Variants in IQCB1 observed in about 807,000 individuals in gnomAD.
IQCB1 encodes IQ motif containing B1.
IQCB1 carries 56 observed loss-of-function variants against 84.4 expected under a neutral mutation model. That is an observed-to-expected ratio of 0.66 (90% CI 0.54 to 0.83). IQCB1 has a LOEUF of 0.83. Ranked by LOEUF, IQCB1 falls within the 40% of genes least tolerant of loss-of-function variation. IQCB1 has a pLI of 0.00. For missense variants in IQCB1, 629 were observed against 682.1 expected, an observed-to-expected ratio of 0.92 and a Z score of 0.87; for synonymous variants, 210 against 234.8, an observed-to-expected ratio of 0.89 and a Z score of 0.96.
At chr3:121,790,244 AT>A in intron 10 of IQCB1, 29 bp from the exon 11 acceptor site, 1 of 1,604,964 alleles carries the variant, frequency 6.2e-7, no homozygotes, top group Non-Finnish European at 8.5e-7. Flanking sequence ...GTTATACATA[AT>A]TTTCATAAAT....
intron 13 of IQCB1, among the ~76,000 whole-genome samples, chr3:121,774,876 CATAGTTAAA>C (rs1948158956): frequency 6.6e-6 from 1 of 152,076 alleles, no homozygotes; most frequent in African/African-American, 2.4e-5. Flanking sequence ...TACATTTAAA[CATAGTTAAA>C]ATGGTAATTT....
chr3:121,781,631 G>GCA, intron 13 of IQCB1, 112 bp downstream of exon 13: 1 of 760,680 alleles, frequency 1.3e-6, no homozygotes, highest in Non-Finnish European at 2.0e-6. Context: ...AGCAATAAAT[G>GCA]TACACACACA....
chr3:121,770,518 A>G lies in IQCB1; in HGVS notation c.1624T>C (p.Ser542Pro). The stretch of plus-strand genomic sequence containing the variant: ...TTGGCCTTGGCTGCCACAGGCCTGG[A>G]TCTACTTAGGAAGAGCTCAGGTTCT... ...GKEPELFLSRSRPVAAKAKQA... is the reference protein window; with the variant it reads ...GKEPELFLSRPRPVAAKAKQA... The change falls in exon 15 of 15, where the codon TCC becomes CCC. Residue 542 changes from serine to proline, a missense_variant. Coordinates refer to ENST00000310864, the MANE Select transcript of IQCB1 (RefSeq NM_001023570.4). 1.2e-6 allele frequency: 2 copies of G among 1,614,160 alleles called. No individual in the cohort carries two copies. The highest frequency in any genetic ancestry group is 1.7e-6 in the Non-Finnish European group (2 of 1,180,026).
At chr3:121,808,446 A>T (rs375965704) in intron 6 of IQCB1, among the ~76,000 whole-genome samples, 2 of 151,966 alleles carry the variant, frequency 1.3e-5, no homozygotes, top group East Asian at 3.8e-4. Flanking sequence ...ATATCTCTCA[A>T]TGTAAACAGA....
At chr3:121,821,366 A>G (rs944111376) in intron 5 of IQCB1, among the ~76,000 whole-genome samples, 1 of 152,154 alleles carries the variant, frequency 6.6e-6, no homozygotes, top group Non-Finnish European at 1.5e-5. Context: ...GGTCTTGTCC[A>G]TTTCCGCTGC....
chr3:121,777,904 T>A (rs894587139), intron 13 of IQCB1, among the ~76,000 whole-genome samples: 6 of 152,012 alleles, frequency 3.9e-5, no homozygotes, highest in Non-Finnish European at 8.8e-5. Context: ...TCATGTTTCT[T>A]GCCCACTTTT....
chr3:121,809,170 T>C (rs574621091), intron 5 of IQCB1, among the ~76,000 whole-genome samples, 161 bp from the exon 6 acceptor site: 21 of 151,964 alleles, frequency 1.4e-4, no homozygotes, highest in African/African-American at 4.6e-4. Context: ...TCTTAATTTG[T>C]AAAACTTGTG....
Position 121,790,139 on chromosome 3 carries a change from G to C in IQCB1, c.1063C>G (p.Gln355Glu). The change falls in exon 11 of 15, where the codon CAA becomes GAA. Residue 355 changes from glutamine to glutamate, a missense_variant. Transcript: ENST00000310864. The part of the protein sequence containing the change: ...EEDLKLQLQL[Q>E]RQRAMRLSRE... The stretch of plus-strand genomic sequence containing the variant: ...GAAAGTCTCATGGCTCTCTGTCTTT[G>C]AAGTTGCAATTGTAATTTGAGGTCC... 6.2e-7 allele frequency: 1 copy of C among 1,613,400 alleles called. No homozygotes were observed. The highest frequency in any genetic ancestry group is 8.5e-7 in the Non-Finnish European group (1 of 1,179,374).
intron 13 of IQCB1, among the ~76,000 whole-genome samples, chr3:121,779,694 A>C (rs1948391789): frequency 6.6e-6 from 1 of 152,050 alleles, no homozygotes; most frequent in African/African-American, 2.4e-5. Context: ...AGACATTGTG[A>C]CTTTTACCTT....
chr3:121,826,562 T>C (rs1489453326), intron 4 of IQCB1, among the ~76,000 whole-genome samples: 2 of 152,216 alleles, frequency 1.3e-5, no homozygotes, highest in African/African-American at 4.8e-5. Flanking sequence ...AGACACCTAA[T>C]AGCTGAAAAA....
chr3:121,809,721 A>G (rs560796097), intron 5 of IQCB1, among the ~76,000 whole-genome samples: 26 of 152,142 alleles, frequency 1.7e-4, no homozygotes, highest in African/African-American at 6.0e-4. Context: ...TATAGATTCC[A>G]TTTACAATTT....
chr3:121,817,930 G>C (rs1198537776), intron 5 of IQCB1, among the ~76,000 whole-genome samples: 2 of 152,144 alleles, frequency 1.3e-5, no homozygotes, highest in Admixed American at 1.3e-4. Context: ...GAGCACACAA[G>C]AGAGTGGCTG....
intron 8 of IQCB1, among the ~76,000 whole-genome samples, chr3:121,798,067 A>C (rs1321211705): frequency 1.3e-5 from 2 of 151,982 alleles, no homozygotes; most frequent in African/African-American, 4.8e-5. Flanking sequence ...AGAAGGATTC[A>C]GGTAAAATTC....
intron 5 of IQCB1, among the ~76,000 whole-genome samples, chr3:121,824,783 T>C (rs923281136): frequency 2.6e-5 from 4 of 151,536 alleles, no homozygotes; most frequent in Non-Finnish European, 5.9e-5. Context: ...GTTGGAAATT[T>C]TAATACCCTT....
intron 4 of IQCB1, among the ~76,000 whole-genome samples, chr3:121,826,918 C>T (rs1256145015): frequency 1.3e-5 from 2 of 152,120 alleles, no homozygotes; most frequent in Non-Finnish European, 2.9e-5. Context: ...TGAACAAAAA[C>T]TGCTGTTTGA....
intron 13 of IQCB1, 64 bp downstream of exon 13, chr3:121,781,678 GT>G: frequency 7.4e-7 from 1 of 1,356,196 alleles, no homozygotes; most frequent in Non-Finnish European, 1.1e-6. Flanking sequence ...ATGTGTGTGT[GT>G]GTACAGTTAT....
At chr3:121,779,415 C>G (rs1336720666) in intron 13 of IQCB1, among the ~76,000 whole-genome samples, 1 of 152,090 alleles carries the variant, frequency 6.6e-6, no homozygotes, top group Non-Finnish European at 1.5e-5. Flanking sequence ...AAAGTCTAAT[C>G]TGCTATTATT....
intron 7 of IQCB1, among the ~76,000 whole-genome samples, chr3:121,801,721 C>T (rs973411576): frequency 7.3e-5 from 11 of 151,172 alleles, no homozygotes; most frequent in Non-Finnish European, 1.5e-4. Context: ...TAGTTCCTCC[C>T]TTGTTGCCTT....
At chr3:121,807,584 CT>C (rs1281963525) in intron 6 of IQCB1, 141 bp from the exon 7 acceptor site, 2 of 563,586 alleles carry the variant, frequency 3.5e-6, no homozygotes, top group African/African-American at 3.8e-5. Flanking sequence ...ATAAAGAAGA[CT>C]TTAAGATGTA....
Sources: gnomAD v4.1 joint callset for allele counts (sites outside exome capture counted in the v4.1 genomes callset) on GRCh38, gnomAD v4.1.1 for gene constraint, MANE v1.5 for transcripts, NCBI Gene and HGNC (gene_info 2026-07-23, HGNC 2026-07-21) for gene names.